Variants in SGCZ observed in about 807,000 individuals in gnomAD.
SGCZ encodes the protein sarcoglycan zeta.
SGCZ carries 40 observed loss-of-function variants against 41.3 expected under a neutral mutation model. The ratio of observed to expected loss-of-function variants is 0.97; its 90% confidence interval spans 0.75 to 1.26. The LOEUF (loss-of-function observed/expected upper bound fraction) is 1.26. Among genes scored for constraint, SGCZ ranks in the 50% most tolerant of loss-of-function variants. SGCZ has a pLI of 0.00. For missense variants in SGCZ, 552 were observed against 369.8 expected (o/e 1.49, Z -4.04); for synonymous variants, 206 against 137.5 (o/e 1.50, Z -3.49).
intron 1 of SGCZ, among the ~76,000 whole-genome samples, chr8:14,648,381 A>T (rs918963373): frequency 6.6e-6 from 1 of 152,092 alleles, no homozygotes; most frequent in Admixed American, 6.6e-5. Context: ...GAAAGTGGCA[A>T]GAAGTGTTTG....
At chr8:15,121,206 T>A (rs1807465181) in intron 1 of SGCZ, among the ~76,000 whole-genome samples, 3 of 152,040 alleles carry the variant, frequency 2.0e-5, no homozygotes, top group Non-Finnish European at 4.4e-5. Flanking sequence ...GAAGTTATAT[T>A]TTGTAGTTTT....
chr8:14,449,627 C>T (rs991065513), intron 2 of SGCZ, among the ~76,000 whole-genome samples: 12 of 152,158 alleles, frequency 7.9e-5, no homozygotes, highest in Non-Finnish European at 1.6e-4. Flanking sequence ...GAAGCATCCT[C>T]ATAGGAAGCC....
chr8:14,844,780 C>A (rs932130331), intron 1 of SGCZ, among the ~76,000 whole-genome samples: 1 of 152,144 alleles, frequency 6.6e-6, no homozygotes, highest in African/African-American at 2.4e-5. Flanking sequence ...AAACAATCAA[C>A]AGAGAAATTA....
rs1027798449 is a variant in SGCZ, at chr8:14,559,224, G to T, written c.40-4298C>A. On this transcript the variant is annotated intron_variant, in intron 1 of 7. Coordinates refer to ENST00000382080, the MANE Select transcript of SGCZ (RefSeq NM_139167.4). ...TGCTGATGATATGATTGTATACCTA[G>T]AAAACCCTAAAGACCCCTCCAAAAA... 2.6e-5 allele frequency among the ~76,000 whole-genome samples: 4 copies of T among 152,054 alleles called. No homozygotes were observed. The East Asian group carries it at 7.7e-4, about 29-fold the overall frequency.
At chr8:15,112,964 T>C (rs1807127006) in intron 1 of SGCZ, among the ~76,000 whole-genome samples, 1 of 152,148 alleles carries the variant, frequency 6.6e-6, no homozygotes, top group African/African-American at 2.4e-5. Flanking sequence ...CACAGTACAC[T>C]TTCAGAAGCC....
chr8:14,801,726 G>C (rs1459364570), intron 1 of SGCZ, among the ~76,000 whole-genome samples: 2 of 152,308 alleles, frequency 1.3e-5, no homozygotes, highest in East Asian at 3.9e-4. Flanking sequence ...TCAAGATCAT[G>C]TGGTCAACAA....
At chr8:15,159,740 A>ACC (rs1563157557) in intron 1 of SGCZ, among the ~76,000 whole-genome samples, 2 of 5,854 alleles carry the variant, frequency 3.4e-4, no homozygotes, top group Non-Finnish European at 6.7e-4. Context: ...CGCCCCCCCC[A>ACC]CCCTCCCCCC....
intron 1 of SGCZ, among the ~76,000 whole-genome samples, chr8:14,974,334 T>C (rs1801395652): frequency 6.6e-6 from 1 of 152,254 alleles, no homozygotes; most frequent in East Asian, 1.9e-4. Context: ...AACTCCATTT[T>C]GTTTCCTGAT....
intron 1 of SGCZ, among the ~76,000 whole-genome samples, chr8:14,729,524 T>A (rs745415779): frequency 6.6e-6 from 1 of 152,166 alleles, no homozygotes; most frequent in Non-Finnish European, 1.5e-5. Flanking sequence ...CAGGGATGAA[T>A]GTGCAGAGAA....
At chr8:14,877,521 T>C (rs1416927291) in intron 1 of SGCZ, among the ~76,000 whole-genome samples, 1 of 152,194 alleles carries the variant, frequency 6.6e-6, no homozygotes, top group South Asian at 2.1e-4. Context: ...TTCCATCATA[T>C]GCTACATGTT....
At position 15,183,403 on chromosome 8, in the gene SGCZ, C is replaced by T. The variant is rs1356073371; in HGVS notation, c.39+54182G>A. On this transcript the variant is annotated intron_variant, in intron 1 of 7. Coordinates refer to ENST00000382080, the MANE Select transcript of SGCZ (RefSeq NM_139167.4). ...GACATCACCAGATATTAGAATTTTTCAGGTCCATTATAAGTTTATGGTATC... is the reference window on the plus strand; with the variant it reads ...GACATCACCAGATATTAGAATTTTTTAGGTCCATTATAAGTTTATGGTATC... 2.0e-5 allele frequency among the ~76,000 whole-genome samples: 3 copies of T among 152,172 alleles called. No individual in the cohort carries two copies. The East Asian group carries it at 5.8e-4, about 29-fold the overall frequency.
intron 3 of SGCZ, among the ~76,000 whole-genome samples, chr8:14,312,966 G>A (rs573786123): frequency 7.9e-5 from 12 of 152,212 alleles, no homozygotes; most frequent in South Asian, 2.1e-4. Context: ...AGAAGACTGC[G>A]GATTCCTTTC....
intron 1 of SGCZ, among the ~76,000 whole-genome samples, chr8:14,786,863 T>G (rs987028959): frequency 7.1e-6 from 1 of 140,956 alleles, no homozygotes; most frequent in African/African-American, 2.8e-5. Context: ...AAAAAACACA[T>G]AGATTAAGTA....
At chr8:14,116,173 G>C (rs1432517561) in intron 5 of SGCZ, among the ~76,000 whole-genome samples, 4 of 152,050 alleles carry the variant, frequency 2.6e-5, no homozygotes, top group Non-Finnish European at 4.4e-5. Context: ...AGATTTATCT[G>C]AAACTTCTAC....
chr8:14,242,484 T>C (rs1316094088), intron 3 of SGCZ, among the ~76,000 whole-genome samples: 1 of 152,182 alleles, frequency 6.6e-6, no homozygotes, highest in Non-Finnish European at 1.5e-5. Context: ...TACTCCACAT[T>C]TCTGCATCAT....
intron 2 of SGCZ, among the ~76,000 whole-genome samples, chr8:14,446,947 T>C (rs1585525871): frequency 1.3e-5 from 2 of 152,284 alleles, no homozygotes. Context: ...TTCAATATAT[T>C]TTACCAAAAG....
At chr8:14,373,704 G>A (rs1162835641) in intron 2 of SGCZ, among the ~76,000 whole-genome samples, 1 of 152,116 alleles carries the variant, frequency 6.6e-6, no homozygotes, top group Non-Finnish European at 1.5e-5. Flanking sequence ...TGGAATGCTG[G>A]GGGCAAAAGA....
At chr8:14,384,954 T>C (rs920291596) in intron 2 of SGCZ, among the ~76,000 whole-genome samples, 16 of 152,214 alleles carry the variant, frequency 1.1e-4, no homozygotes, top group African/African-American at 3.9e-4. Flanking sequence ...GGACTTGTGC[T>C]GGCAAAAACA....
At chr8:14,368,562 G>A (rs541138823) in intron 2 of SGCZ, among the ~76,000 whole-genome samples, 122 of 152,120 alleles carry the variant, frequency 8.0e-4, no homozygotes, top group South Asian at 1.7e-3. Context: ...TTGGAGGGAC[G>A]TTGTACATTA....
Sources: gnomAD v4.1 joint callset for allele counts (sites outside exome capture counted in the v4.1 genomes callset) on GRCh38, gnomAD v4.1.1 for gene constraint, MANE v1.5 for transcripts, NCBI Gene and HGNC (gene_info 2026-07-23, HGNC 2026-07-21) for gene names.